Variants in DAB1 observed in about 807,000 individuals in gnomAD.
The protein encoded by DAB1 is DAB adaptor protein 1.
A neutral mutation model predicts 64.6 loss-of-function variants in DAB1; 15 were observed. That is an observed-to-expected ratio of 0.23 (90% CI 0.16 to 0.36). The LOEUF (loss-of-function observed/expected upper bound fraction) is 0.36. Ranked by LOEUF, DAB1 falls within the 10% of genes least tolerant of loss-of-function variation. DAB1 has a pLI of 1.00. For synonymous variants in DAB1, 235 were observed against 251.9 expected (o/e 0.93, Z 0.64); for missense variants, 596 against 706.7 (o/e 0.84, Z 1.78).
chr1:57,843,924 C>T (rs1653162682), intron 1 of DAB1, among the ~76,000 whole-genome samples: 1 of 152,174 alleles, frequency 6.6e-6, no homozygotes, highest in African/African-American at 2.4e-5. Flanking sequence ...AAGAATTTGA[C>T]CAGGTTTGAC....
At chr1:58,083,408 G>A (rs1650116697) in intron 5 of DAB1, among the ~76,000 whole-genome samples, 1 of 152,218 alleles carries the variant, frequency 6.6e-6, no homozygotes, top group African/African-American at 2.4e-5. Context: ...ATGAAGGCCA[G>A]AGCTGGTTTC....
At chr1:57,934,247 T>C (rs1644995570) in intron 5 of DAB1, among the ~76,000 whole-genome samples, 1 of 152,018 alleles carries the variant, frequency 6.6e-6, no homozygotes, top group African/African-American at 2.4e-5. Flanking sequence ...TTTTAGCCAT[T>C]TGGTGGGGAG....
chr1:57,879,116 C>T (rs796496326), intron 1 of DAB1, among the ~76,000 whole-genome samples: 17 of 152,196 alleles, frequency 1.1e-4, no homozygotes, highest in African/African-American at 4.1e-4. Context: ...ATAGTGAATA[C>T]TGCTACAATA....
chr1:57,772,569 A>G (rs1649610468), intron 6 of DAB1, among the ~76,000 whole-genome samples: 1 of 151,844 alleles, frequency 6.6e-6, no homozygotes, highest in African/African-American at 2.4e-5. Context: ...ATATAGGGTG[A>G]CAGTATGTTT....
chr1:57,572,410 C>T (rs576558822), intron 7 of DAB1, among the ~76,000 whole-genome samples: 14 of 152,266 alleles, frequency 9.2e-5, no homozygotes, highest in African/African-American at 3.4e-4. Flanking sequence ...CAAGCACATA[C>T]CCAATTTAAG....
At chr1:57,757,873 G>T (rs1279494556) in intron 6 of DAB1, among the ~76,000 whole-genome samples, 2 of 152,030 alleles carry the variant, frequency 1.3e-5, no homozygotes, top group Non-Finnish European at 2.9e-5. Flanking sequence ...CTGAAGTGCA[G>T]TGGCAGGATC....
chr1:57,577,946 A>G (rs951399128), intron 7 of DAB1, among the ~76,000 whole-genome samples: 1 of 152,200 alleles, frequency 6.6e-6, no homozygotes, highest in Non-Finnish European at 1.5e-5. Flanking sequence ...CTGGTTCTGA[A>G]GCCAACACAT....
intron 2 of DAB1, among the ~76,000 whole-genome samples, chr1:58,516,046 C>T (rs1230885086): frequency 6.6e-6 from 1 of 152,198 alleles, no homozygotes; most frequent in Non-Finnish European, 1.5e-5. Flanking sequence ...TAGCAGGCCA[C>T]GTTTCCCAAA....
Position 58,001,770 on chromosome 1 carries a change from T to A in DAB1, n.388-117608A>T, listed in dbSNP as rs1435884092. Among the ~76,000 whole-genome samples, 4 of 152,186 alleles carry A rather than the reference T, an allele frequency of 2.6e-5. No individual in the cohort carries two copies. In the East Asian group the frequency reaches 7.7e-4, roughly 29 times the overall value. ...CCCAAAGATGTCAGGTCTTCATCTC[T>A]AAAACCTGAAAATGTTATCTTTTTA... On this transcript the variant is annotated intron_variant and non_coding_transcript_variant, in intron 5 of 20. Coordinates refer to the DAB1 transcript ENST00000485760.
At chr1:57,414,883 C>T (rs269062) in intron 1 of DAB1, among the ~76,000 whole-genome samples, 62,361 of 151,974 alleles carry the variant, frequency 0.41, 13,324 homozygotes, top group African/African-American at 0.52. Context: ...AGAGTTACTA[C>T]ATTTACAGAT....
chr1:57,795,012 C>T (rs1226372888), intron 6 of DAB1, among the ~76,000 whole-genome samples: 1 of 152,182 alleles, frequency 6.6e-6, no homozygotes, highest in Non-Finnish European at 1.5e-5. Flanking sequence ...CATCCATCCA[C>T]CCAATCAGTT....
chr1:57,877,167 T>A (rs1644060882), intron 1 of DAB1, among the ~76,000 whole-genome samples: 1 of 152,128 alleles, frequency 6.6e-6, no homozygotes, highest in Non-Finnish European at 1.5e-5. Context: ...TCAGAGTGGT[T>A]AAGACACATG....
At chr1:57,357,430 ACC>A (rs1679194290) in intron 1 of DAB1, among the ~76,000 whole-genome samples, 1 of 151,404 alleles carries the variant, frequency 6.6e-6, no homozygotes, top group Admixed American at 6.6e-5. Context: ...TGCTTTACCA[ACC>A]CCATAGTACT....
intron 3 of DAB1, among the ~76,000 whole-genome samples, chr1:57,141,267 A>G (rs1658565868): frequency 6.6e-6 from 1 of 152,170 alleles, no homozygotes; most frequent in Non-Finnish European, 1.5e-5. Flanking sequence ...CTAGAACTGC[A>G]TTCTCTGATC....
chr1:57,198,682 C>A (rs1664844938), intron 2 of DAB1, among the ~76,000 whole-genome samples: 1 of 151,628 alleles, frequency 6.6e-6, no homozygotes, highest in Admixed American at 6.6e-5. Context: ...CACACACACA[C>A]ACACACACCC....
rs369709762 is a variant in DAB1 at position 58,313,856 on chromosome 1, T to TGTGAGA, written n.309+29495_309+29496insTCTCAC. Among the ~76,000 whole-genome samples, 1,123 of 112,074 alleles carry TGTGAGA rather than the reference T, an allele frequency of 0.01. 55 individuals are homozygous for TGTGAGA. In the East Asian group the frequency reaches 0.14, roughly 14 times the overall value. The allele number at this position is 112,074 out of a possible 152,430, so 73.5% of individuals were successfully genotyped here. On this transcript the variant is annotated intron_variant and non_coding_transcript_variant, in intron 4 of 20. Coordinates refer to the DAB1 transcript ENST00000485760. ...GTGTGTGTGTGTGTGTGTGTGTGTG[T>TGTGAGA]GAGAGAGAGAGAGAGAGAGAGAGAT...
At chr1:57,367,608 G>A (rs759916789) in intron 1 of DAB1, among the ~76,000 whole-genome samples, 57 of 152,134 alleles carry the variant, frequency 3.7e-4, no homozygotes, top group Non-Finnish European at 6.5e-4. Context: ...TGGCAGTGGC[G>A]ACCTATCTGG....
intron 7 of DAB1, among the ~76,000 whole-genome samples, chr1:57,632,575 C>A (rs1646002962): frequency 6.6e-6 from 1 of 152,046 alleles, no homozygotes; most frequent in Admixed American, 6.6e-5. Flanking sequence ...CAGCACCAGG[C>A]AGACACAGAC....
intron 7 of DAB1, among the ~76,000 whole-genome samples, chr1:57,628,706 T>C (rs1031068794): frequency 6.6e-6 from 1 of 152,258 alleles, no homozygotes; most frequent in Non-Finnish European, 1.5e-5. Context: ...CAAATGTCTT[T>C]GTTTGCAGTG....
Sources: gnomAD v4.1 joint callset for allele counts (sites outside exome capture counted in the v4.1 genomes callset) on GRCh38, gnomAD v4.1.1 for gene constraint, MANE v1.5 for transcripts, NCBI Gene and HGNC (gene_info 2026-07-23, HGNC 2026-07-21) for gene names.